The following FCHSD2 variants were observed in gnomAD, a reference collection of about 807,000 sequenced individuals.
FCHSD2 encodes the protein F-BAR and double SH3 domains protein 2.
FCHSD2 carries 38 observed loss-of-function variants against 108.1 expected under a neutral mutation model. That is an observed-to-expected ratio of 0.35 (90% CI 0.27 to 0.46). The LOEUF is 0.46. FCHSD2 is among the 20% of genes least tolerant of loss of function. The probability of loss-of-function intolerance (pLI) is 1.00; values close to 1 mark genes in which losing one functional copy is unlikely to be tolerated. For missense variants in FCHSD2, 751 were observed against 897.8 expected, an observed-to-expected ratio of 0.84 and a Z score of 2.09; for synonymous variants, 279 against 314.7, an observed-to-expected ratio of 0.89 and a Z score of 1.20.
chr11:73,002,598 A>T (rs925224615), intron 4 of FCHSD2, among the ~76,000 whole-genome samples: 8 of 148,004 alleles, frequency 5.4e-5, no homozygotes, highest in Non-Finnish European at 8.8e-5. Context: ...TTAAAATAAT[A>T]AAAAAAATGA....
chr11:73,049,917 C>T (rs1401349127), intron 3 of FCHSD2, among the ~76,000 whole-genome samples: 12 of 151,962 alleles, frequency 7.9e-5, no homozygotes, highest in African/African-American at 2.9e-4. Flanking sequence ...ATCATGTGTA[C>T]AAGGAAGGTT....
At chr11:72,988,933 A>ATG (rs1301529806) in intron 6 of FCHSD2, 31 bp downstream of exon 6, 10 of 1,572,384 alleles carry the variant, frequency 6.4e-6, no homozygotes, top group Non-Finnish European at 8.7e-6. Context: ...TATTTGCATA[A>ATG]TAATTTTCTC....
intron 2 of FCHSD2, among the ~76,000 whole-genome samples, chr11:73,106,474 A>G (rs1860347675): frequency 6.6e-6 from 1 of 152,006 alleles, no homozygotes; most frequent in Non-Finnish European, 1.5e-5. Context: ...TTAAATCAGT[A>G]TTCTGCTTGT....
chr11:73,009,037 A>AT (rs1433034534), intron 4 of FCHSD2, among the ~76,000 whole-genome samples: 2 of 151,592 alleles, frequency 1.3e-5, no homozygotes, highest in African/African-American at 2.4e-5. Flanking sequence ...CTGTTCTCAA[A>AT]TTTAAAAAAA....
At chr11:73,006,901 C>T (rs1182552519) in intron 4 of FCHSD2, among the ~76,000 whole-genome samples, 1 of 152,180 alleles carries the variant, frequency 6.6e-6, no homozygotes, top group Admixed American at 6.5e-5. Context: ...AGATTTGAAA[C>T]CAAATGTGTC....
intron 3 of FCHSD2, among the ~76,000 whole-genome samples, chr11:73,041,718 C>T (rs1249124729): frequency 6.6e-6 from 1 of 152,018 alleles, no homozygotes; most frequent in African/African-American, 2.4e-5. Flanking sequence ...TTGACTGTTT[C>T]TTTGATGTGC....
At chr11:72,880,703 C>T (rs1855065553) in intron 12 of FCHSD2, among the ~76,000 whole-genome samples, 1 of 151,506 alleles carries the variant, frequency 6.6e-6, no homozygotes, top group African/African-American at 2.4e-5. Context: ...ATCCCTTGAG[C>T]CCAGGAGTTC....
chr11:72,972,750 GGGC>G lies in FCHSD2; in HGVS notation c.705+11335_705+11337del, dbSNP rs199986930. ...ACCCCATATTCCATAAGCCCCTTGT[GGGC>G]GGCACCAGAGAATAACCTTGTTTCT... On this transcript the variant is annotated intron_variant, in intron 8 of 19. Coordinates refer to ENST00000409418, the MANE Select transcript of FCHSD2 (RefSeq NM_014824.3). Among the ~76,000 whole-genome samples the G allele has an allele frequency of 8.9e-3, 1,355 of 152,314 alleles. 5 individuals carry two copies. The highest frequency in any genetic ancestry group is 0.016 in the South Asian group (79 of 4,830).
chr11:73,001,103 CGAGAA>C lies in FCHSD2; in HGVS notation c.269_273del (p.Phe90Ter). The C allele has an allele frequency of 6.2e-7, 1 of 1,613,152 alleles. No individual in the cohort carries two copies. The stretch of plus-strand genomic sequence containing the variant: ...GACTGGGCTACCTGCATTGTTCCCT[CGAGAA>C]AAGATTTCCAAACGGGATACATGCT... On this transcript the variant is annotated frameshift_variant, in exon 5 of 20. Coordinates refer to ENST00000409418, the MANE Select transcript of FCHSD2 (RefSeq NM_014824.3). LOFTEE classifies it high-confidence loss of function.
chr11:73,128,971 A>T (rs1860924631), intron 2 of FCHSD2, among the ~76,000 whole-genome samples: 1 of 152,146 alleles, frequency 6.6e-6, no homozygotes, highest in Non-Finnish European at 1.5e-5. Context: ...TCCCGGGTTC[A>T]AGCGATTCTC....
At chr11:73,026,790 C>T (rs1858239181) in intron 3 of FCHSD2, among the ~76,000 whole-genome samples, 1 of 152,138 alleles carries the variant, frequency 6.6e-6, no homozygotes, top group Non-Finnish European at 1.5e-5. Context: ...CCATGCTGTT[C>T]TCATGACAGC....
intron 3 of FCHSD2, among the ~76,000 whole-genome samples, chr11:73,067,810 T>C (rs995238839): frequency 6.6e-5 from 10 of 152,204 alleles, no homozygotes; most frequent in Non-Finnish European, 5.9e-5. Context: ...AGAACAGTCT[T>C]ACAAGGACCT....
chr11:73,021,013 A>G (rs551660457), intron 3 of FCHSD2, among the ~76,000 whole-genome samples: 1 of 152,066 alleles, frequency 6.6e-6, no homozygotes, highest in South Asian at 2.1e-4. Context: ...AGTAGCTGGG[A>G]CTGCAGGTGC....
chr11:73,002,910 T>G (rs1427713211), intron 4 of FCHSD2, among the ~76,000 whole-genome samples: 1 of 152,170 alleles, frequency 6.6e-6, no homozygotes, highest in African/African-American at 2.4e-5. Flanking sequence ...CTCACTATAG[T>G]GAAAGCTCCA....
chr11:73,106,254 T>C (rs1184614752), intron 2 of FCHSD2, among the ~76,000 whole-genome samples: 1 of 151,822 alleles, frequency 6.6e-6, no homozygotes, highest in East Asian at 1.9e-4. Flanking sequence ...AAAAAGCACA[T>C]GAATTAGCTG....
intron 3 of FCHSD2, among the ~76,000 whole-genome samples, chr11:73,068,383 C>A (rs1859348269): frequency 6.6e-6 from 1 of 151,346 alleles, no homozygotes; most frequent in Non-Finnish European, 1.5e-5. Flanking sequence ...GAGAGAGCAT[C>A]AGGAAGAATA....
At chr11:72,872,868 G>A (rs187714139) in intron 12 of FCHSD2, among the ~76,000 whole-genome samples, 2 of 152,322 alleles carry the variant, frequency 1.3e-5, no homozygotes, top group East Asian at 3.9e-4. Context: ...GGAAATACTA[G>A]ACTGTTTTTC....
intron 3 of FCHSD2, among the ~76,000 whole-genome samples, chr11:73,026,797 C>T (rs1858239516): frequency 1.3e-5 from 2 of 152,144 alleles, no homozygotes; most frequent in Admixed American, 6.5e-5. Flanking sequence ...GTTCTCATGA[C>T]AGCAAGTGAG....
intron 2 of FCHSD2, among the ~76,000 whole-genome samples, chr11:73,111,950 A>G (rs1860496581): frequency 2.0e-5 from 3 of 152,132 alleles, no homozygotes; most frequent in South Asian, 2.1e-4. Context: ...ATTATACTGG[A>G]TATGTCTTTA....
Sources: allele counts gnomAD v4.1 joint callset (sites outside exome capture counted in the v4.1 genomes callset), GRCh38; gene constraint gnomAD v4.1.1; transcripts MANE v1.5; gene names NCBI Gene and HGNC (gene_info 2026-07-23, HGNC 2026-07-21).